SHC1: variants seen among roughly 807,000 people sequenced by gnomAD.
SHC1 encodes the protein SHC-transforming protein 1.
SHC1 carries 30 observed loss-of-function variants against 55.9 expected under a neutral mutation model. That is an observed-to-expected ratio of 0.54 (90% CI 0.40 to 0.73). The LOEUF is 0.73. Among genes scored for constraint, SHC1 ranks in the 30% least tolerant of loss-of-function variants. The pLI is 0.00. For missense variants in SHC1, 675 were observed against 777.1 expected, an observed-to-expected ratio of 0.87 and a Z score of 1.56; for synonymous variants, 309 against 306.1, an observed-to-expected ratio of 1.01 and a Z score of -0.10.
rs186758751 is a variant in SHC1 at position 154,967,840 on chromosome 1, G to A, written c.857-43C>T. The A allele has an allele frequency of 1.5e-4, 240 of 1,610,550 alleles. 1 individual carries two copies. In the African/African-American group the frequency reaches 2.5e-3, roughly 17 times the overall value. ...GCTGTCAGTGAGCTGAGCCCACTGGGAGGAGGCACAGACAGGGGCCCTCAT... is the reference window on the plus strand; with the variant it reads ...GCTGTCAGTGAGCTGAGCCCACTGGAAGGAGGCACAGACAGGGGCCCTCAT... On this transcript the variant is annotated intron_variant, in intron 6 of 11. Coordinates refer to ENST00000448116, the MANE Select transcript of SHC1 (RefSeq NM_001130040.2).
intron 7 of SHC1, among the ~76,000 whole-genome samples, 199 bp downstream of exon 7, chr1:154,967,467 AACAAG>A (rs1363416554): frequency 6.6e-6 from 1 of 152,210 alleles, no homozygotes; most frequent in African/African-American, 2.4e-5. Context: ...ACCATGAGCA[AACAAG>A]AAAAGCTGGT....
In SHC1 at chr1:154,966,145, C is replaced by T; in HGVS notation, c.1252+17G>A. 1.2e-6 allele frequency: 2 copies of T among 1,614,168 alleles called. No homozygotes were observed. Among genetic ancestry groups the T allele is most frequent in the Non-Finnish European group, 1.7e-6 (2 of 1,180,020 alleles). On this transcript the variant is annotated intron_variant, in intron 9 of 11. Coordinates refer to ENST00000448116, the MANE Select transcript of SHC1 (RefSeq NM_001130040.2). Reference sequence around the variant, plus strand: ...TCCAACACTCCCCAGCTCTGCCTATCTCGGCTCCCTTCATACCTGGACAGG... The same window carrying T: ...TCCAACACTCCCCAGCTCTGCCTATTTCGGCTCCCTTCATACCTGGACAGG...
upstream of SHC1, among the ~76,000 whole-genome samples, chr1:154,972,766 A>AG (rs1192925552): frequency 2.0e-5 from 3 of 152,144 alleles, no homozygotes; most frequent in Non-Finnish European, 4.4e-5. Context: ...AGGAGGGGAC[A>AG]GGGGCGGGAA....
At chr1:154,968,678 C>G (rs372327134) in intron 3 of SHC1, 64 bp from the exon 4 acceptor site, 4 of 1,611,644 alleles carry the variant, frequency 2.5e-6, no homozygotes, top group South Asian at 1.1e-5. Context: ...ACACTTTTGC[C>G]TCCTGGCCCT....
chr1:154,972,160 G>A (rs1318800635), upstream of SHC1, among the ~76,000 whole-genome samples: 5 of 151,474 alleles, frequency 3.3e-5, no homozygotes, highest in South Asian at 2.1e-4. Flanking sequence ...CAGGAGAATC[G>A]CTCGAACCCA....
Position 154,963,142 on chromosome 1 carries a change from C to G in SHC1, c.*661G>C, listed in dbSNP as rs1213442625. The stretch of plus-strand genomic sequence containing the variant: ...ACTGAGCAAGGGAGGGGTCCATCTC[C>G]CGCCTGGCCGGGAGTGGGGCTCTGG... On this transcript the variant is annotated 3_prime_UTR_variant, in exon 12 of 12. Transcript: ENST00000448116. 1 of 153,092 alleles carries G rather than the reference C, an allele frequency of 6.5e-6. No individual in the cohort carries two copies. The highest frequency in any genetic ancestry group is 2.4e-5 in the African/African-American group (1 of 41,404). The allele number at this position is 153,092 out of a possible 1,614,324, so 9.5% of individuals were successfully genotyped here.
chr1:154,969,333 C>T (rs1656434664), intron 2 of SHC1, 45 bp downstream of exon 2: 1 of 1,364,306 alleles, frequency 7.3e-7, no homozygotes, highest in African/African-American at 1.4e-5. Flanking sequence ...TTCCCATGGC[C>T]TCACTAATCC....
chr1:154,963,957 C>A, intron 11 of SHC1, 26 bp from the exon 12 acceptor site: 1 of 1,613,244 alleles, frequency 6.2e-7, no homozygotes, highest in Non-Finnish European at 8.5e-7. Context: ...GGAAGAAGGT[C>A]AATTCAGGTG....
At chr1:154,971,405 A>G (rs12075984), upstream of SHC1, among the ~76,000 whole-genome samples, 23,718 of 152,196 alleles carry the variant, frequency 0.16, 4,671 homozygotes, top group African/African-American at 0.47. Context: ...AACCTGGATG[A>G]TACATCAGGA....
intron 11 of SHC1, 67 bp downstream of exon 11, chr1:154,965,476 G>A: frequency 6.2e-7 from 1 of 1,605,604 alleles, no homozygotes; most frequent in Non-Finnish European, 8.5e-7. Flanking sequence ...GGAAGGAAGA[G>A]GGATACACTG....
intron 7 of SHC1, 114 bp from the exon 8 acceptor site, chr1:154,966,631 G>A (rs1656021542): frequency 2.8e-6 from 2 of 715,458 alleles, no homozygotes; most frequent in Non-Finnish European, 4.6e-6. Flanking sequence ...TAAGCCTGAG[G>A]CTGAGTGTTT....
chr1:154,968,688 T>TCTCCCCACATGCCCCACACTTGC, intron 3 of SHC1, 74 bp from the exon 4 acceptor site: 4 of 1,610,042 alleles, frequency 2.5e-6, no homozygotes, highest in Non-Finnish European at 3.4e-6. Flanking sequence ...CTCCTGGCCC[T>TCTCCCCACATGCCCCACACTTGC]CTCCCCACAT....
chr1:154,967,956 C>T, intron 6 of SHC1, 24 bp downstream of exon 6: 1 of 1,613,678 alleles, frequency 6.2e-7, no homozygotes, highest in Non-Finnish European at 8.5e-7. Context: ...CCAGACCCAC[C>T]CAGTGCTCCC....
rs768064399 is a variant in SHC1, at chr1:154,968,052, A to AT, written c.805-22dup. 3.7e-6 allele frequency: 6 copies of AT among 1,613,926 alleles called. No homozygotes were observed. In the East Asian group the frequency reaches 1.3e-4, roughly 36 times the overall value. Reference sequence around the variant, plus strand: ...GTGTCCTGGGGAGGAAGGTCAAAAAATTTTACAGTTCTACTTTACTCCTGA... The same window carrying AT: ...GTGTCCTGGGGAGGAAGGTCAAAAAATTTTTACAGTTCTACTTTACTCCTGA... On this transcript the variant is annotated intron_variant, in intron 5 of 11. Coordinates refer to ENST00000448116, the MANE Select transcript of SHC1 (RefSeq NM_001130040.2).
chr1:154,965,917 A>T (rs1244343304), intron 10 of SHC1, 29 bp downstream of exon 10: 60 of 1,596,508 alleles, frequency 3.8e-5, no homozygotes, highest in Non-Finnish European at 5.0e-5. Context: ...AAAGGTGGGG[A>T]TGCAGAGAGG....
chr1:154,966,130 C>G (rs765962770), intron 9 of SHC1, 32 bp downstream of exon 9: 1 of 1,614,108 alleles, frequency 6.2e-7, no homozygotes, highest in Non-Finnish European at 8.5e-7. Context: ...TCCAACACTC[C>G]CCAGCTCTGC....
At chr1:154,967,846 G>A (rs748799856) in intron 6 of SHC1, 49 bp from the exon 7 acceptor site, 10 of 1,609,172 alleles carry the variant, frequency 6.2e-6, no homozygotes, top group Non-Finnish European at 7.7e-6. Context: ...CTGGGAGGAG[G>A]CACAGACAGG....
chr1:154,967,580 C>T (rs900779449), intron 7 of SHC1, 91 bp downstream of exon 7: 91 of 1,412,432 alleles, frequency 6.4e-5, no homozygotes, highest in Admixed American at 1.9e-5. Flanking sequence ...GTTATTCCCT[C>T]CCTGAACCTC....
Position 154,965,556 on chromosome 1 carries a change from T to A in SHC1, c.1613A>T (p.Asp538Val), listed in dbSNP as rs1655845322. The A allele has an allele frequency of 6.2e-7, 1 of 1,613,954 alleles. No individual in the cohort carries two copies. The highest frequency in any genetic ancestry group is 1.3e-5 in the African/African-American group (1 of 74,864). The change falls in exon 11 of 12, where the codon GAC becomes GTC. Residue 538 changes from aspartate (D) to valine (V), a missense_variant. Asp to Val is a radical substitution (Grantham distance 152). Around this residue, in one of 3 missense-constraint regions of SHC1, gnomAD observed 360 missense variants for 371.1 expected, o/e 0.97. Transcript: ENST00000448116. Reference sequence around the variant, plus strand: ...TGCCACACTCACCACACCCTCAGGGTCCACCAGTAGCAAATGCTTAGGCTG... The same window carrying A: ...TGCCACACTCACCACACCCTCAGGGACCACCAGTAGCAAATGCTTAGGCTG... Reference protein sequence around the residue: ...SGQPKHLLLVDPEGVVRTKDH... With the variant: ...SGQPKHLLLVVPEGVVRTKDH...
Sources: gnomAD v4.1 joint callset for allele counts (sites outside exome capture counted in the v4.1 genomes callset) on GRCh38, gnomAD v4.1.1 for gene constraint, gnomAD v4.1.1 regional missense constraint, MANE v1.5 for transcripts, NCBI Gene and HGNC (gene_info 2026-07-23, HGNC 2026-07-21) for gene names.